Variants in TNR observed in about 807,000 individuals in gnomAD.
The protein encoded by TNR is tenascin-R.
Under a neutral mutation model 150.4 loss-of-function variants are expected in TNR, and 45 were observed. The observed-to-expected ratio is 0.30, with a 90% confidence interval of 0.24 to 0.38. The LOEUF is 0.38. Among genes scored for constraint, TNR ranks in the 10% least tolerant of loss-of-function variants. The pLI is 1.00. For missense variants in TNR, 1,544 were observed against 1,759.1 expected (o/e 0.88, Z 2.19); for synonymous variants, 687 against 678.4 (o/e 1.01, Z -0.20).
intron 2 of TNR, among the ~76,000 whole-genome samples, chr1:175,438,820 A>T (rs1655640006): frequency 6.6e-6 from 1 of 152,216 alleles, no homozygotes; most frequent in African/African-American, 2.4e-5. Flanking sequence ...CTTACAAGGG[A>T]TGTGAAGGAC....
At chr1:175,628,596 G>T (rs1309299286) in intron 1 of TNR, among the ~76,000 whole-genome samples, 1 of 151,998 alleles carries the variant, frequency 6.6e-6, no homozygotes, top group Non-Finnish European at 1.5e-5. Flanking sequence ...CTCATTGGGT[G>T]GTTTCCAGCT....
At chr1:175,448,929 C>T (rs1387360686) in intron 2 of TNR, among the ~76,000 whole-genome samples, 12 of 152,186 alleles carry the variant, frequency 7.9e-5, no homozygotes, top group Admixed American at 7.9e-4. Context: ...GTGGTCTGGT[C>T]AATGTTGTTC....
chr1:175,690,858 T>C (rs1447492324), intron 1 of TNR, among the ~76,000 whole-genome samples: 1 of 152,154 alleles, frequency 6.6e-6, no homozygotes, highest in Non-Finnish European at 1.5e-5. Context: ...ATTGAACATA[T>C]TCTAGATAGA....
At chr1:175,741,390 A>G (rs1667928746) in intron 1 of TNR, among the ~76,000 whole-genome samples, 1 of 152,206 alleles carries the variant, frequency 6.6e-6, no homozygotes, top group East Asian at 1.9e-4. Context: ...TGGTGACTTC[A>G]GTAATAAACT....
chr1:175,362,889 A>C, intron 13 of TNR, 80 bp from the exon 14 acceptor site: 1 of 1,559,224 alleles, frequency 6.4e-7, no homozygotes, highest in Non-Finnish European at 8.8e-7. Flanking sequence ...ATGTCAATAA[A>C]GCACAGATGG....
intron 1 of TNR, among the ~76,000 whole-genome samples, chr1:175,655,557 G>C (rs1665146585): frequency 6.6e-6 from 1 of 152,210 alleles, no homozygotes; most frequent in Admixed American, 6.5e-5. Flanking sequence ...AAAATAGAAT[G>C]ATGCTGATGA....
intron 1 of TNR, among the ~76,000 whole-genome samples, chr1:175,566,258 A>C (rs1465098535): frequency 6.6e-6 from 1 of 152,184 alleles, no homozygotes; most frequent in Admixed American, 6.5e-5. Context: ...CTTTTACCCT[A>C]TGATGTAGTT....
intron 2 of TNR, among the ~76,000 whole-genome samples, chr1:175,434,409 A>G (rs545362401): frequency 6.6e-6 from 1 of 152,240 alleles, no homozygotes; most frequent in African/African-American, 2.4e-5. Context: ...GCCATTCTCC[A>G]GATGGTTGGA....
chr1:175,582,834 C>A (rs1010285243), intron 1 of TNR, among the ~76,000 whole-genome samples: 5 of 152,034 alleles, frequency 3.3e-5, no homozygotes, highest in African/African-American at 1.2e-4. Flanking sequence ...GGGCTCCACC[C>A]TTATGAATGG....
chr1:175,466,035 G>A (rs1303758270), intron 2 of TNR, among the ~76,000 whole-genome samples: 1 of 152,146 alleles, frequency 6.6e-6, no homozygotes, highest in Non-Finnish European at 1.5e-5. Flanking sequence ...CTTGCTGTGT[G>A]GAATTGGTCT....
chr1:175,633,646 AG>A (rs1012952233), intron 1 of TNR, among the ~76,000 whole-genome samples: 22 of 152,202 alleles, frequency 1.4e-4, no homozygotes, highest in African/African-American at 5.3e-4. Context: ...AAATTAGGGA[AG>A]TGGTGAATGG....
At chr1:175,484,020 C>A (rs1657910750) in intron 2 of TNR, among the ~76,000 whole-genome samples, 1 of 152,198 alleles carries the variant, frequency 6.6e-6, no homozygotes, top group Non-Finnish European at 1.5e-5. Context: ...ACTGTGAGCT[C>A]CTTGTGGACA....
intron 2 of TNR, among the ~76,000 whole-genome samples, chr1:175,488,424 G>T (rs1366810095): frequency 6.6e-6 from 1 of 152,176 alleles, no homozygotes; most frequent in African/African-American, 2.4e-5. Flanking sequence ...AAGAGAGGCT[G>T]GGAGCCAGAT....
chr1:175,639,686 T>C (rs1571702726), intron 1 of TNR, among the ~76,000 whole-genome samples: 1 of 152,214 alleles, frequency 6.6e-6, no homozygotes, highest in African/African-American at 2.4e-5. Flanking sequence ...AGACCTTTCA[T>C]GACCTCATCC....
intron 19 of TNR, among the ~76,000 whole-genome samples, chr1:175,337,191 G>A (rs1410047844): frequency 4.3e-4 from 65 of 152,202 alleles, no homozygotes; most frequent in Admixed American, 4.3e-3. Context: ...ACTCTGCCCA[G>A]CACCTCCACT....
At chr1:175,466,817 A>T (rs1036493958) in intron 2 of TNR, among the ~76,000 whole-genome samples, 1 of 152,140 alleles carries the variant, frequency 6.6e-6, no homozygotes, top group South Asian at 2.1e-4. Context: ...CACCCAGTAG[A>T]CAAACTAGCC....
intron 20 of TNR, among the ~76,000 whole-genome samples, chr1:175,331,077 C>CCTT (rs1557868049): frequency 2.1e-5 from 2 of 94,188 alleles, no homozygotes; most frequent in African/African-American, 3.7e-5. Context: ...TTCTTTCTTT[C>CCTT]CTTCTTTCTT....
At chr1:175,611,610 A>G (rs1159199849) in intron 1 of TNR, among the ~76,000 whole-genome samples, 4 of 152,222 alleles carry the variant, frequency 2.6e-5, no homozygotes, top group African/African-American at 9.6e-5. Context: ...CTGGGATTAC[A>G]GGCATGAGCC....
At chr1:175,617,073 C>T (rs1458054822) in intron 1 of TNR, among the ~76,000 whole-genome samples, 1 of 152,122 alleles carries the variant, frequency 6.6e-6, no homozygotes, top group Non-Finnish European at 1.5e-5. Context: ...TCCATCAGCC[C>T]TTCTTTCTCC....
Sources: gnomAD v4.1 joint callset for allele counts (sites outside exome capture counted in the v4.1 genomes callset) on GRCh38, gnomAD v4.1.1 for gene constraint, MANE v1.5 for transcripts, NCBI Gene and HGNC (gene_info 2026-07-23, HGNC 2026-07-21) for gene names.